Variants in VEZF1 observed in about 807,000 individuals in gnomAD.
The protein encoded by VEZF1 is vascular endothelial zinc finger 1.
VEZF1 carries 5 observed loss-of-function variants against 44.1 expected under a neutral mutation model. That is an observed-to-expected ratio of 0.11 (90% CI 0.06 to 0.24). The LOEUF (loss-of-function observed/expected upper bound fraction) is 0.24, where lower values mean the gene tolerates loss of function less well. Ranked by LOEUF, VEZF1 falls within the 10% of genes least tolerant of loss-of-function variation. VEZF1 has a pLI of 1.00. For missense variants in VEZF1, 358 were observed against 641.8 expected, an observed-to-expected ratio of 0.56 and a Z score of 4.78; for synonymous variants, 236 against 233.1, an observed-to-expected ratio of 1.01 and a Z score of -0.11.
In VEZF1 at chr17:57,980,485, A is replaced by G. The variant is rs1239866416; in HGVS notation, c.976+118T>C. 25 of 960,052 alleles carry G rather than the reference A, an allele frequency of 2.6e-5. No homozygotes were observed. In the South Asian group the frequency reaches 3.3e-4, roughly 13 times the overall value. 59.5% of individuals were successfully genotyped at this position (960,052 alleles called of 1,614,324 possible). ...TCTGTCCATTGTTGCCTGTTTGCAC[A>G]TGTTGGCAATAGGAGGAAACACGTA... is the stretch of plus-strand genomic sequence containing the variant. On this transcript the variant is annotated intron_variant, in intron 4 of 5. Coordinates refer to ENST00000581208, the MANE Select transcript of VEZF1 (RefSeq NM_007146.3).
At chr17:57,983,483 A>G in intron 1 of VEZF1, 90 bp from the exon 2 acceptor site, 1 of 1,173,002 alleles carries the variant, frequency 8.5e-7, no homozygotes, top group East Asian at 2.3e-5. Flanking sequence ...ACCAGAAGAA[A>G]CAGTCAAAGA....
Position 57,974,622 on chromosome 17 carries a change from G to A in VEZF1, c.1417C>T (p.Pro473Ser). 2 of 1,614,138 alleles carry A rather than the reference G, an allele frequency of 1.2e-6. No homozygotes were observed. The highest frequency in any genetic ancestry group is 1.7e-5 in the Admixed American group (1 of 60,014). The change falls in exon 6 of 6, where the codon CCA (proline) becomes TCA (serine). Residue 473 changes from proline to serine, a missense_variant. Around this residue, in one of 4 missense-constraint regions of VEZF1, gnomAD observed 171 missense variants for 272.4 expected, o/e 0.63. Transcript: ENST00000581208. ...GTGACAGGGTGTGCTATATTCACTG[G>A]GGCAGTGACGGGGGTGGGGAGGTTG... The part of the protein sequence containing the change: ...PVNLPTPVTA[P>S]VNIAHPVTIT...
chr17:57,974,928 G>C, intron 5 of VEZF1, 28 bp from the exon 6 acceptor site: 1 of 1,586,988 alleles, frequency 6.3e-7, no homozygotes, highest in Non-Finnish European at 8.6e-7. Flanking sequence ...AGGGTCTTTA[G>C]ATTCTCAAAA....
chr17:57,984,929 T>C (rs2075281715), intron 1 of VEZF1, among the ~76,000 whole-genome samples: 1 of 152,240 alleles, frequency 6.6e-6, no homozygotes, highest in South Asian at 2.1e-4. Context: ...TAACTGCTCC[T>C]AGCAAATTAC....
chr17:57,988,203 G>GGCGGCAACGGCA lies in VEZF1; in HGVS notation c.-104_-93dup, dbSNP rs1204851442. 19 of 277,224 alleles carry GGCGGCAACGGCA rather than the reference G, an allele frequency of 6.9e-5. No individual in the cohort carries two copies. Among genetic ancestry groups the GGCGGCAACGGCA allele is most frequent in the African/African-American group, 3.0e-4 (13 of 43,848 alleles). 17.2% of individuals were successfully genotyped at this position (277,224 alleles called of 1,614,324 possible). ...GCGACAACAAAGCGGCGGCGGCGGC[G>GGCGGCAACGGCA]GCGGCAACGGCAGCGGCGGCTCCTC... is the stretch of plus-strand genomic sequence containing the variant. On this transcript the variant is annotated 5_prime_UTR_variant, in exon 1 of 6. Coordinates refer to ENST00000581208, the MANE Select transcript of VEZF1 (RefSeq NM_007146.3).
chr17:57,982,077 T>G, intron 2 of VEZF1, 141 bp from the exon 3 acceptor site: 4 of 781,780 alleles, frequency 5.1e-6, no homozygotes, highest in Non-Finnish European at 6.3e-6. Context: ...CCTCCCCCGG[T>G]GCAAGTCTCC....
At chr17:57,978,168 A>G (rs1050830947) in intron 5 of VEZF1, among the ~76,000 whole-genome samples, 2 of 152,008 alleles carry the variant, frequency 1.3e-5, no homozygotes, top group African/African-American at 4.8e-5. Context: ...ACGCCACTGC[A>G]CTCAAGCCTG....
chr17:57,976,416 AAAC>A (rs2075191458), intron 5 of VEZF1, among the ~76,000 whole-genome samples: 3 of 151,890 alleles, frequency 2.0e-5, no homozygotes, highest in Non-Finnish European at 4.4e-5. Context: ...ACAAACAAAC[AAAC>A]AAAAAAAACC....
chr17:57,987,598 A>C (rs544779847), intron 1 of VEZF1, among the ~76,000 whole-genome samples: 29 of 152,010 alleles, frequency 1.9e-4, no homozygotes, highest in African/African-American at 6.7e-4. Flanking sequence ...GGAAGGTGAA[A>C]AGAGAACAAG....
At chr17:57,976,785 T>C (rs897448560) in intron 5 of VEZF1, among the ~76,000 whole-genome samples, 4 of 152,112 alleles carry the variant, frequency 2.6e-5, no homozygotes, top group South Asian at 2.1e-4. Flanking sequence ...TGCAAGCAAA[T>C]TGAAATACAA....
intron 5 of VEZF1, among the ~76,000 whole-genome samples, chr17:57,976,277 G>A (rs1306679479): frequency 6.6e-6 from 1 of 152,126 alleles, no homozygotes; most frequent in East Asian, 1.9e-4. Context: ...TCACCGCAGG[G>A]GGACCCTTGA....
rs771719935 is a variant in VEZF1, at chr17:57,974,726, C to T, written c.1313G>A (p.Ser438Asn). The T allele has an allele frequency of 3.6e-5, 58 of 1,613,982 alleles. No individual in the cohort carries two copies. Among genetic ancestry groups the T allele is most frequent in the East Asian group, 4.5e-5 (2 of 44,902 alleles). ...TACAGGATGCCCTATGTTCATTGGG[C>T]TGGTTATGTTAACTGCACTTGAAAC... The part of the protein sequence containing the change: ...VNVSSAVNIT[S>N]PMNIGHPVTI... The change falls in exon 6 of 6, where the codon AGC (serine) becomes AAC (asparagine). Residue 438 changes from serine (S) to asparagine (N), a missense_variant. By Grantham distance (46) the Ser-to-Asn change is conservative. Around this residue, in one of 4 missense-constraint regions of VEZF1, gnomAD observed 171 missense variants for 272.4 expected, o/e 0.63. Coordinates refer to ENST00000581208, the MANE Select transcript of VEZF1 (RefSeq NM_007146.3).
chr17:57,975,498 C>T (rs12942122), intron 5 of VEZF1, among the ~76,000 whole-genome samples: 10,808 of 152,308 alleles, frequency 0.071, 448 homozygotes, highest in African/African-American at 0.11. Flanking sequence ...GAATGATAAA[C>T]AAGCTATTTT....
At chr17:57,980,537 A>T in intron 4 of VEZF1, 66 bp downstream of exon 4, 1 of 1,473,150 alleles carries the variant, frequency 6.8e-7, no homozygotes, top group Non-Finnish European at 9.4e-7. Context: ...CTTTGATACA[A>T]TATGAAAACA....
rs1475386563 is a variant in VEZF1, at chr17:57,979,254, G to T, written c.1036C>A (p.Gln346Lys). The T allele has an allele frequency of 6.3e-7, 1 of 1,597,556 alleles. No individual in the cohort carries two copies. The highest frequency in any genetic ancestry group is 1.1e-5 in the South Asian group (1 of 89,794). Residue 346 changes from glutamine (Q) to lysine (K), a missense_variant, in exon 5 of 6, where the codon CAG (glutamine) becomes AAG (lysine). Coordinates refer to ENST00000581208, the MANE Select transcript of VEZF1 (RefSeq NM_007146.3). ...KQQQQQQQQQQQQQQQQQQHV... is the reference protein window; with the variant it reads ...KQQQQQQQQQKQQQQQQQQHV... ...TGTTGTTGTTGTTGTTGCTGCTGCT[G>T]CTGCTGCTGCTGCTGCTGCTGCTGC...
In VEZF1 at chr17:57,988,167, A is replaced by C; in HGVS notation, c.-56T>G. 1.3e-5 allele frequency: 6 copies of C among 476,014 alleles called. No homozygotes were observed. Among genetic ancestry groups the C allele is most frequent in the Non-Finnish European group, 1.8e-5 (6 of 332,272 alleles). The allele number at this position is 476,014 out of a possible 1,614,324, so 29.5% of individuals were successfully genotyped here. ...CTCCCCCCGCTCGGGGAGCCTCCTCAGCCGGAGGAGGCGACAACAAAGCGG... is the reference window on the plus strand; with the variant it reads ...CTCCCCCCGCTCGGGGAGCCTCCTCCGCCGGAGGAGGCGACAACAAAGCGG... On this transcript the variant is annotated 5_prime_UTR_variant, in exon 1 of 6. The change abolishes the stop of an existing upstream ORF in the 5' untranslated region. Coordinates refer to ENST00000581208, the MANE Select transcript of VEZF1 (RefSeq NM_007146.3).
Position 57,981,839 on chromosome 17 carries a change from TG to T in VEZF1, c.792+33del. 3.8e-6 allele frequency: 6 copies of T among 1,593,662 alleles called. No homozygotes were observed. In the South Asian group the frequency reaches 6.6e-5, roughly 18 times the overall value. ...GACCTTCTGGATAATGTGCATTAAG[TG>T]CTACACTAAGGATAAGTCATTTTAA... On this transcript the variant is annotated intron_variant, in intron 3 of 5. Transcript: ENST00000581208.
rs2075166694 is a variant in VEZF1, at chr17:57,974,311, T to C, written c.*162A>G. The C allele has an allele frequency of 1.2e-6, 1 of 841,784 alleles. No homozygotes were observed. Among genetic ancestry groups the C allele is most frequent in the African/African-American group, 1.7e-5 (1 of 58,142 alleles). 52.1% of individuals were successfully genotyped at this position (841,784 alleles called of 1,614,324 possible). A position where few individuals can be genotyped will look rare whatever the true frequency, so the allele number is the denominator to read the frequency against. ...TGATAAGTTACATACACACCCTACT[T>C]TGAATAATCCCAGCCAAATTGGAGA... On this transcript the variant is annotated 3_prime_UTR_variant, in exon 6 of 6. Transcript: ENST00000581208.
intron 1 of VEZF1, chr17:57,985,274 T>C (rs1278715688): frequency 8.1e-7 from 1 of 1,231,600 alleles, no homozygotes; most frequent in African/African-American, 1.6e-5. Flanking sequence ...CCAATTCAGA[T>C]GTCTGTGGCA....
Sources: gnomAD v4.1 joint callset for allele counts (sites outside exome capture counted in the v4.1 genomes callset) on GRCh38, gnomAD v4.1.1 for gene constraint, gnomAD v4.1.1 regional missense constraint, MANE v1.5 for transcripts, NCBI Gene and HGNC (gene_info 2026-07-23, HGNC 2026-07-21) for gene names.